The following ZFP64 variants were observed in gnomAD, a reference collection of about 807,000 sequenced individuals.
ZFP64 encodes the protein zinc finger protein 64.
In ZFP64, 14 loss-of-function variants were observed where a neutral mutation model predicts 51.6. That is an observed-to-expected ratio of 0.27 (90% confidence interval 0.18 to 0.42). The LOEUF is 0.42. Ranked by LOEUF, ZFP64 falls within the 10% of genes least tolerant of loss-of-function variation. The pLI is 1.00. For synonymous variants in ZFP64, 375 were observed against 361.4 expected, an observed-to-expected ratio of 1.04 and a Z score of -0.43; for missense variants, 754 against 906.8, an observed-to-expected ratio of 0.83 and a Z score of 2.16.
chr20:52,148,563 T>C (rs1980634559), downstream of ZFP64, among the ~76,000 whole-genome samples: 1 of 152,094 alleles, frequency 6.6e-6, no homozygotes, highest in African/African-American at 2.4e-5. Context: ...TAGCCAGGTG[T>C]GGTGGCACAC....
chr20:52,135,182 C>A (rs1486278479), intron 5 of ZFP64, among the ~76,000 whole-genome samples: 2 of 152,060 alleles, frequency 1.3e-5, no homozygotes, highest in East Asian at 3.9e-4. Flanking sequence ...ACATTTTTAA[C>A]TGGTTAACAA....
intron 5 of ZFP64, among the ~76,000 whole-genome samples, chr20:52,116,593 G>A (rs753523121): frequency 6.6e-6 from 1 of 151,872 alleles, no homozygotes; most frequent in Non-Finnish European, 1.5e-5. Flanking sequence ...ACATTCATAT[G>A]GAATATTTTT....
intron 7 of ZFP64, among the ~76,000 whole-genome samples, chr20:52,095,711 C>T (rs935119704): frequency 2.6e-5 from 4 of 152,194 alleles, no homozygotes; most frequent in African/African-American, 9.7e-5. Context: ...GCATGCTCTG[C>T]GGTACCTCAA....
At chr20:52,104,840 T>C (rs1350021400) in intron 5 of ZFP64, 1 of 639,976 alleles carries the variant, frequency 1.6e-6, no homozygotes, top group Admixed American at 2.0e-5. Context: ...AAACAGCCTC[T>C]GAGGGGTCCT....
In ZFP64 at chr20:52,130,120, G is replaced by A. The variant is rs145163601; in HGVS notation, c.763+30003C>T. ...TTCTTAGGGAGAACTACTCTGACCCGCAGGCTCCTCTCCCTCATCATACTC... is the reference window on the plus strand; with the variant it reads ...TTCTTAGGGAGAACTACTCTGACCCACAGGCTCCTCTCCCTCATCATACTC... On this transcript the variant is annotated intron_variant, in intron 5 of 8. Transcript: ENST00000361387. Among the ~76,000 whole-genome samples the A allele has an allele frequency of 3.7e-3, 562 of 152,214 alleles. 2 individuals are homozygous for A. Among genetic ancestry groups the A allele is most frequent in the African/African-American group, 0.013 (547 of 41,528 alleles).
chr20:52,104,469 C>A (rs972959742), intron 5 of ZFP64, among the ~76,000 whole-genome samples: 3 of 152,180 alleles, frequency 2.0e-5, no homozygotes, highest in Non-Finnish European at 4.4e-5. Flanking sequence ...ATCCCCACCA[C>A]GGCTCCCACT....
At chr20:52,103,943 C>G (rs892267136) in intron 5 of ZFP64, among the ~76,000 whole-genome samples, 5 of 152,308 alleles carry the variant, frequency 3.3e-5, no homozygotes, top group Admixed American at 3.3e-4. Context: ...CCCACCAGAC[C>G]GACTGTGGTG....
At chr20:52,105,152 G>T in intron 5 of ZFP64, 2 of 1,445,498 alleles carry the variant, frequency 1.4e-6, no homozygotes, top group Non-Finnish European at 9.0e-7. Flanking sequence ...CGCCACCTGC[G>T]GGGCCACCTC....
chr20:52,138,956 G>C (rs1407019199), intron 5 of ZFP64, among the ~76,000 whole-genome samples: 1 of 152,140 alleles, frequency 6.6e-6, no homozygotes, highest in Admixed American at 6.5e-5. Flanking sequence ...CTAATCATGA[G>C]AGAAATATAA....
chr20:52,127,813 T>A (rs1249157492), intron 5 of ZFP64, among the ~76,000 whole-genome samples: 1 of 152,218 alleles, frequency 6.6e-6, no homozygotes, highest in Non-Finnish European at 1.5e-5. Context: ...TGATTTTCAC[T>A]TATCCAGATA....
chr20:52,159,681 C>T (rs1257317093), intron 5 of ZFP64, among the ~76,000 whole-genome samples: 3 of 148,442 alleles, frequency 2.0e-5, no homozygotes, highest in Non-Finnish European at 4.5e-5. Flanking sequence ...CAAAACCCCA[C>T]CTCTACTAAA....
chr20:52,164,632 GATCCCC>G, intron 4 of ZFP64, 57 bp downstream of exon 4: 1 of 1,378,442 alleles, frequency 7.3e-7, no homozygotes, highest in Non-Finnish European at 1.0e-6. Flanking sequence ...GACCTATGTG[GATCCCC>G]ATCTCCTAGC....
exon 9 of ZFP64, chr20:52,084,278 A>G (rs2078840553): frequency 4.5e-6 from 2 of 445,150 alleles, no homozygotes; most frequent in Non-Finnish European, 8.0e-6. Context: ...TCCCCATTGG[A>G]TAGAGCAGGG....
chr20:52,152,469 C>T lies in ZFP64; in HGVS notation c.1723G>A (p.Glu575Lys), dbSNP rs767182744. 8 of 1,613,120 alleles carry T rather than the reference C, an allele frequency of 5.0e-6. No individual in the cohort carries two copies. The East Asian group carries it at 6.7e-5, about 13-fold the overall frequency. The part of the protein sequence containing the change: ...TQPAVLLTTH[E>K]QTDGATLHQT... ...TGCAGAGTGGCTCCGTCCGTCTGCTCGTGGGTGGTCAGCAGGACAGCCGGC... is the reference window on the plus strand; with the variant it reads ...TGCAGAGTGGCTCCGTCCGTCTGCTTGTGGGTGGTCAGCAGGACAGCCGGC... The change falls in exon 6 of 6, where the codon GAG becomes AAG. Residue 575 changes from glutamate to lysine, a missense_variant. Transcript: ENST00000216923.
intron 2 of ZFP64, among the ~76,000 whole-genome samples, chr20:52,182,365 C>T (rs1983672285): frequency 6.6e-6 from 1 of 152,150 alleles, no homozygotes; most frequent in Admixed American, 6.5e-5. Flanking sequence ...TCCGGCATGG[C>T]AAGATCCAAT....
chr20:52,152,028 C>T lies in ZFP64; in HGVS notation c.*118G>A, dbSNP rs1165293955. 6.9e-7 allele frequency: 1 copy of T among 1,453,368 alleles called. No homozygotes were observed. The highest frequency in any genetic ancestry group is 1.4e-5 in the African/African-American group (1 of 70,026). 90.0% of individuals were successfully genotyped at this position (1,453,368 alleles called of 1,614,324 possible). ...CTCCAGCCTGGGAAACAGAGCGAGA[C>T]TCCGTCTCAAAAACAAAACAAAACA... On this transcript the variant is annotated 3_prime_UTR_variant, in exon 6 of 6. Transcript: ENST00000216923.
At chr20:52,126,507 A>G (rs1052432509) in intron 5 of ZFP64, among the ~76,000 whole-genome samples, 1 of 152,194 alleles carries the variant, frequency 6.6e-6, no homozygotes, top group Non-Finnish European at 1.5e-5. Context: ...GGGTGCGTCT[A>G]TGCTTTCTAC....
intron 2 of ZFP64, among the ~76,000 whole-genome samples, chr20:52,173,286 T>C (rs1316773185): frequency 1.3e-5 from 2 of 152,160 alleles, no homozygotes; most frequent in African/African-American, 4.8e-5. Flanking sequence ...CACAGAAAAG[T>C]TGAGAGAAGA....
intron 2 of ZFP64, among the ~76,000 whole-genome samples, chr20:52,177,592 G>A (rs1983323099): frequency 6.8e-6 from 1 of 147,148 alleles, no homozygotes; most frequent in African/African-American, 2.5e-5. Flanking sequence ...GGACGCGAGG[G>A]CAAAGGATAA....
Sources: gnomAD v4.1 joint callset for allele counts (sites outside exome capture counted in the v4.1 genomes callset) on GRCh38, gnomAD v4.1.1 for gene constraint, MANE v1.5 for transcripts, NCBI Gene and HGNC (gene_info 2026-07-23, HGNC 2026-07-21) for gene names.